Variants in PTPRM observed in about 807,000 individuals in gnomAD.
PTPRM encodes the protein receptor-type tyrosine-protein phosphatase mu.
Under a neutral mutation model 186.7 loss-of-function variants are expected in PTPRM, and 47 were observed. That is an observed-to-expected ratio of 0.25 (90% CI 0.20 to 0.32). The LOEUF is 0.32. Among genes scored for constraint, PTPRM ranks in the 10% least tolerant of loss-of-function variants. PTPRM has a pLI of 1.00. For missense variants in PTPRM, 1,494 were observed against 1,865.0 expected (o/e 0.80, Z 3.66); for synonymous variants, 668 against 674.9 (o/e 0.99, Z 0.16).
At chr18:7,768,512 A>T (rs2042120189) in intron 1 of PTPRM, among the ~76,000 whole-genome samples, 1 of 152,058 alleles carries the variant, frequency 6.6e-6, no homozygotes, top group African/African-American at 2.4e-5. Context: ...AAAGAATAAA[A>T]AGCATGTGGG....
At chr18:7,820,874 AG>A (rs1184128659) in intron 2 of PTPRM, among the ~76,000 whole-genome samples, 2 of 152,130 alleles carry the variant, frequency 1.3e-5, no homozygotes, top group African/African-American at 4.8e-5. Context: ...GCTGCTGTGG[AG>A]GGAAGTGCGG....
chr18:8,206,838 C>CA (rs1176213052), intron 14 of PTPRM, among the ~76,000 whole-genome samples: 2 of 151,234 alleles, frequency 1.3e-5, no homozygotes, highest in South Asian at 2.1e-4. Context: ...GACTCTGCTT[C>CA]AAAAAAAAGG....
intron 7 of PTPRM, among the ~76,000 whole-genome samples, chr18:8,044,147 T>G (rs932470837): frequency 3.9e-5 from 6 of 152,174 alleles, no homozygotes; most frequent in Non-Finnish European, 8.8e-5. Context: ...GTTCAAGTCT[T>G]TATAGGCCAG....
intron 2 of PTPRM, among the ~76,000 whole-genome samples, chr18:7,869,625 G>A (rs569145199): frequency 6.6e-5 from 9 of 135,586 alleles, no homozygotes; most frequent in South Asian, 2.4e-4. Context: ...GCTGCAGACC[G>A]GAGTTGTTCC....
intron 3 of PTPRM, among the ~76,000 whole-genome samples, chr18:7,896,361 C>T (rs1294258559): frequency 1.3e-5 from 2 of 152,186 alleles, no homozygotes; most frequent in Non-Finnish European, 2.9e-5. Context: ...CCACAGATTT[C>T]GTCATATTCT....
intron 23 of PTPRM, among the ~76,000 whole-genome samples, chr18:8,345,348 A>C (rs539929206): frequency 6.6e-6 from 1 of 152,230 alleles, no homozygotes. Context: ...GGTTAATAAC[A>C]TGGACCTCTG....
In PTPRM at chr18:8,384,545, T is replaced by C. The variant is rs148546387; in HGVS notation, c.3919-16T>C. ...CCTCTTATAACTAACCTTGTGTTTA[T>C]ATGTTTTGAATTCAGTTGTGTCCAC... On this transcript the variant is annotated splice_polypyrimidine_tract_variant and intron_variant, in intron 29 of 32. Transcript: ENST00000580170. 0.014 allele frequency: 23,372 copies of C among 1,613,928 alleles called. 238 individuals carry two copies. The highest frequency in any genetic ancestry group is 0.047 in the Admixed American group (2,793 of 60,016).
At chr18:8,340,650 C>T (rs1443936728) in intron 22 of PTPRM, among the ~76,000 whole-genome samples, 2 of 152,146 alleles carry the variant, frequency 1.3e-5, no homozygotes, top group Non-Finnish European at 2.9e-5. Flanking sequence ...CCATGATTCA[C>T]AGAGCTTGCA....
chr18:8,401,623 G>A (rs1295421500), intron 32 of PTPRM, among the ~76,000 whole-genome samples: 4 of 152,334 alleles, frequency 2.6e-5, no homozygotes, highest in African/African-American at 4.8e-5. Context: ...TTTGGAGGCC[G>A]TTGATGTGGT....
rs896768400 is a variant in PTPRM at position 8,406,720 on chromosome 18, G to T, written c.*558G>T. Reference sequence around the variant, plus strand: ...GATTTGTATTGTTTCCAAGGGAAAAGCTTGGGGGAGGACTCAGTTCACAAA... The same window carrying T: ...GATTTGTATTGTTTCCAAGGGAAAATCTTGGGGGAGGACTCAGTTCACAAA... On this transcript the variant is annotated 3_prime_UTR_variant, in exon 33 of 33. Coordinates refer to ENST00000580170, the MANE Select transcript of PTPRM (RefSeq NM_001105244.2). 2 of 152,442 alleles carry T rather than the reference G, an allele frequency of 1.3e-5. No individual in the cohort carries two copies. Among genetic ancestry groups the T allele is most frequent in the African/African-American group, 4.8e-5 (2 of 41,446 alleles). The allele number at this position is 152,442 out of a possible 1,614,324, so 9.4% of individuals were successfully genotyped here.
intron 1 of PTPRM, among the ~76,000 whole-genome samples, chr18:7,706,017 T>C (rs11875022): frequency 0.013 from 1,867 of 148,162 alleles, 36 homozygotes; most frequent in African/African-American, 0.043. Flanking sequence ...ATATATATAC[T>C]ATAATAGAAA....
intron 1 of PTPRM, among the ~76,000 whole-genome samples, chr18:7,589,276 A>G (rs1414794223): frequency 1.3e-5 from 2 of 152,098 alleles, no homozygotes; most frequent in Admixed American, 6.6e-5. Context: ...GCTGCATGGG[A>G]GTGTTTACAG....
chr18:8,096,652 G>A (rs1193596594), intron 11 of PTPRM, among the ~76,000 whole-genome samples: 1 of 152,122 alleles, frequency 6.6e-6, no homozygotes, highest in African/African-American at 2.4e-5. Context: ...ATTACTTTAC[G>A]AATTGTAAAG....
chr18:7,613,862 A>G (rs1292865831), intron 1 of PTPRM, among the ~76,000 whole-genome samples: 1 of 152,210 alleles, frequency 6.6e-6, no homozygotes, highest in African/African-American at 2.4e-5. Context: ...TGTATCAGGT[A>G]GATAAATTAT....
Position 7,568,778 on chromosome 18 carries a change from G to C in PTPRM, c.73+887G>C, listed in dbSNP as rs1341770374. ...TTCTAAGCCCAGAGGAACCCCTCAC[G>C]GAGAGGATCTGTGGATCGGAGTCGG... On this transcript the variant is annotated intron_variant, in intron 1 of 32. Transcript: ENST00000580170. The surrounding 1 kb of genome is among the most constrained non-coding windows in gnomAD (Gnocchi z 5.1). 6.6e-6 allele frequency among the ~76,000 whole-genome samples: 1 copy of C among 152,150 alleles called. No homozygotes were observed. The highest frequency in any genetic ancestry group is 6.5e-5 in the Admixed American group (1 of 15,274).
Position 8,056,926 on chromosome 18 carries a change from C to T in PTPRM, c.1133-12760C>T, listed in dbSNP as rs560350547. On this transcript the variant is annotated intron_variant, in intron 7 of 32. Transcript: ENST00000580170. ...GACAAAGATGCTGCTCATAGCACTG[C>T]TTGTAGTAGAGAAAAGGTAAACTCA... Among the ~76,000 whole-genome samples the T allele has an allele frequency of 2.3e-3, 345 of 151,960 alleles. 2 individuals carry two copies. Among genetic ancestry groups the T allele is most frequent in the Non-Finnish European group, 3.4e-3 (234 of 67,986 alleles).
At chr18:7,820,968 G>GC (rs1335929397) in intron 2 of PTPRM, among the ~76,000 whole-genome samples, 2 of 152,138 alleles carry the variant, frequency 1.3e-5, no homozygotes, top group Non-Finnish European at 2.9e-5. Context: ...CTGGTCAGCT[G>GC]CCCCCCAAGG....
chr18:8,172,902 G>T (rs1224157490), intron 14 of PTPRM, among the ~76,000 whole-genome samples: 1 of 152,110 alleles, frequency 6.6e-6, no homozygotes, highest in Admixed American at 6.5e-5. Context: ...AGAGTATGAT[G>T]ATGCATGAAA....
At chr18:8,182,385 C>G (rs1478333137) in intron 14 of PTPRM, among the ~76,000 whole-genome samples, 1 of 152,080 alleles carries the variant, frequency 6.6e-6, no homozygotes, top group African/African-American at 2.4e-5. Context: ...TCAAGACTCT[C>G]GTATATCTCA....
Sources: gnomAD v4.1 joint callset for allele counts (sites outside exome capture counted in the v4.1 genomes callset) on GRCh38, gnomAD v4.1.1 for gene constraint, Gnocchi (gnomAD v3.1) non-coding constraint, MANE v1.5 for transcripts, NCBI Gene and HGNC (gene_info 2026-07-23, HGNC 2026-07-21) for gene names.